The following RABGEF1 variants were observed in gnomAD, a reference collection of about 807,000 sequenced individuals.
RABGEF1 encodes the protein RAB guanine nucleotide exchange factor 1, also known as rab5 GDP/GTP exchange factor.
Under a neutral mutation model 57.3 loss-of-function variants are expected in RABGEF1, and 26 were observed. The observed-to-expected ratio is 0.45, with a 90% CI of 0.33 to 0.63. The LOEUF is 0.63. RABGEF1 is among the 20% of genes least tolerant of loss of function. The pLI is 0.02. For synonymous variants in RABGEF1, 185 were observed against 210.7 expected (o/e 0.88, Z 1.06); for missense variants, 464 against 607.6 (o/e 0.76, Z 2.48).
intron 1 of RABGEF1, among the ~76,000 whole-genome samples, chr7:66,706,224 A>C (rs1387631275): frequency 6.6e-6 from 1 of 151,838 alleles, no homozygotes; most frequent in Non-Finnish European, 1.5e-5. Context: ...CATTCTTTTG[A>C]TGGACGCTTG....
At chr7:66,659,480 AG>A in the RABGEF1 span, among the ~76,000 whole-genome samples, 1 of 150,886 alleles carries the variant, frequency 6.6e-6, no homozygotes, top group African/African-American at 2.4e-5. Flanking sequence ...AAGAAAAAAA[AG>A]AAAACACTGC....
the RABGEF1 span, among the ~76,000 whole-genome samples, chr7:66,671,957 G>A: frequency 4.6e-5 from 7 of 151,308 alleles, no homozygotes; most frequent in African/African-American, 1.7e-4. Context: ...GCTGGGAATA[G>A]AGGTGCACAC....
At chr7:66,700,616 A>C (rs940480869) in intron 1 of RABGEF1, among the ~76,000 whole-genome samples, 1 of 151,888 alleles carries the variant, frequency 6.6e-6, no homozygotes, top group Non-Finnish European at 1.5e-5. Flanking sequence ...CTCAATGGAG[A>C]AAAGGGGTTC....
intron 2 of RABGEF1, among the ~76,000 whole-genome samples, chr7:66,735,000 G>A (rs1208858277): frequency 3.3e-5 from 5 of 152,128 alleles, no homozygotes; most frequent in Non-Finnish European, 7.4e-5. Flanking sequence ...TTTCAGGAAC[G>A]TTAAGGAAGT....
At chr7:66,723,155 G>C (rs1393482928) in intron 2 of RABGEF1, among the ~76,000 whole-genome samples, 1 of 152,086 alleles carries the variant, frequency 6.6e-6, no homozygotes, top group East Asian at 1.9e-4. Context: ...TTTTAGTAGA[G>C]ACGGGGTTTC....
intron 1 of RABGEF1, among the ~76,000 whole-genome samples, chr7:66,688,026 A>C (rs1344465020): frequency 6.8e-6 from 1 of 146,366 alleles, no homozygotes; most frequent in Non-Finnish European, 1.5e-5. Context: ...CAGAGGTTGC[A>C]GTGAGCTGAG....
chr7:66,762,397 C>T (rs1804645062), intron 1 of RABGEF1, among the ~76,000 whole-genome samples: 1 of 152,070 alleles, frequency 6.6e-6, no homozygotes, highest in Non-Finnish European at 1.5e-5. Flanking sequence ...TCGAGATCAG[C>T]CTGGTCAATA....
At chr7:66,756,502 A>T (rs10231860) in intron 1 of RABGEF1, among the ~76,000 whole-genome samples, 14,421 of 152,100 alleles carry the variant, frequency 0.095, 779 homozygotes, top group Non-Finnish European at 0.11. Context: ...GCTATCAAAG[A>T]TTTATAAATT....
chr7:66,798,648 C>T (rs1350238667), intron 6 of RABGEF1, among the ~76,000 whole-genome samples: 1 of 152,134 alleles, frequency 6.6e-6, no homozygotes, highest in Admixed American at 6.5e-5. Flanking sequence ...GCCTCCTATA[C>T]AAGCTCCAGT....
chr7:66,657,283 G>A, the RABGEF1 span, among the ~76,000 whole-genome samples: 5 of 152,276 alleles, frequency 3.3e-5, no homozygotes, highest in South Asian at 2.1e-4. Context: ...TTGAAAGTAT[G>A]CAAAATACTA....
At chr7:66,794,375 C>G (rs773224725) in intron 4 of RABGEF1, among the ~76,000 whole-genome samples, 1 of 151,432 alleles carries the variant, frequency 6.6e-6, no homozygotes, top group African/African-American at 2.4e-5. Flanking sequence ...AGGCTGGCCT[C>G]AAACTCCTAG....
upstream of RABGEF1, among the ~76,000 whole-genome samples, chr7:66,738,857 TG>T (rs1489521997): frequency 6.6e-6 from 1 of 152,260 alleles, no homozygotes; most frequent in Non-Finnish European, 1.5e-5. Context: ...TTCTGTCTTT[TG>T]GTAATAGCAA....
chr7:66,658,586 A>C, the RABGEF1 span, among the ~76,000 whole-genome samples: 1 of 152,128 alleles, frequency 6.6e-6, no homozygotes, highest in Non-Finnish European at 1.5e-5. Context: ...ATAACTAGTA[A>C]GAAGATTAAA....
chr7:66,655,183 C>T, the RABGEF1 span, among the ~76,000 whole-genome samples: 2 of 152,184 alleles, frequency 1.3e-5, no homozygotes, highest in African/African-American at 4.8e-5. Flanking sequence ...AGCCTGTGGT[C>T]CTGACTTCCA....
At chr7:66,677,235 A>C (rs1023121329), upstream of RABGEF1, among the ~76,000 whole-genome samples, 6 of 152,206 alleles carry the variant, frequency 3.9e-5, no homozygotes, top group Admixed American at 3.9e-4. Context: ...TAGGAATAGC[A>C]TGTAACTTCC....
chr7:66,745,351 G>C (rs1799956432), intron 1 of RABGEF1, among the ~76,000 whole-genome samples: 1 of 152,136 alleles, frequency 6.6e-6, no homozygotes, highest in Non-Finnish European at 1.5e-5. Context: ...GGCTGCAGAG[G>C]AAACATCTCT....
At position 66,720,340 on chromosome 7, in the gene RABGEF1, G is replaced by A. The variant is rs570928005; in HGVS notation, c.-815+8116G>A. 3.5e-4 allele frequency among the ~76,000 whole-genome samples: 53 copies of A among 151,556 alleles called. No homozygotes were observed. In the South Asian group the frequency reaches 0.011, roughly 31 times the overall value. On this transcript the variant is annotated intron_variant and NMD_transcript_variant, in intron 2 of 9. Coordinates refer to the RABGEF1 transcript ENST00000607882. ...AGCCACCCCAGTAGCTAGGACTACA[G>A]GCATGCACCACCACGCCCAACTAAT...
chr7:66,700,883 ACT>A (rs141381318), intron 1 of RABGEF1, among the ~76,000 whole-genome samples: 2,227 of 152,118 alleles, frequency 0.015, 61 homozygotes, highest in East Asian at 0.094. Context: ...CCCTGTCCAG[ACT>A]CTCATACTGT....
the RABGEF1 span, among the ~76,000 whole-genome samples, chr7:66,661,167 C>T: frequency 1.6e-4 from 25 of 152,000 alleles, no homozygotes; most frequent in African/African-American, 4.6e-4. Flanking sequence ...GGCGCAGTGG[C>T]GGGCACCTGT....
Sources: gnomAD v4.1 joint callset for allele counts (sites outside exome capture counted in the v4.1 genomes callset) on GRCh38, gnomAD v4.1.1 for gene constraint, MANE v1.5 for transcripts, NCBI Gene and HGNC (gene_info 2026-07-23, HGNC 2026-07-21) for gene names.